Variants in HS3ST3B1 observed in about 807,000 individuals in gnomAD.
HS3ST3B1 encodes heparan sulfate-glucosamine 3-sulfotransferase 3B1, also known as heparan sulfate glucosamine 3-O-sulfotransferase 3B1.
HS3ST3B1 carries 13 observed loss-of-function variants against 21.3 expected under a neutral mutation model. That is an observed-to-expected ratio of 0.61 (90% CI 0.40 to 0.97). HS3ST3B1 has a LOEUF of 0.97. HS3ST3B1 is among the 50% of genes least tolerant of loss of function. The pLI, the probability that HS3ST3B1 is intolerant of heterozygous loss-of-function variation, is 0.00. For synonymous variants in HS3ST3B1, 234 were observed against 254.8 expected (o/e 0.92, Z 0.78); for missense variants, 459 against 554.8 (o/e 0.83, Z 1.73).
At chr17:14,321,835 A>G (rs761863581) in intron 1 of HS3ST3B1, among the ~76,000 whole-genome samples, 2 of 152,322 alleles carry the variant, frequency 1.3e-5, no homozygotes, top group African/African-American at 4.8e-5. Context: ...GACTGAGTGA[A>G]AAATGAACTC....
intron 1 of HS3ST3B1, chr17:14,328,984 A>G (rs994922735): frequency 6.6e-6 from 1 of 152,294 alleles, no homozygotes; most frequent in Admixed American, 6.5e-5. Context: ...TTATGTCTTC[A>G]GATTTTTATT....
chr17:14,335,330 A>T (rs1051762588), intron 1 of HS3ST3B1, among the ~76,000 whole-genome samples: 1 of 152,230 alleles, frequency 6.6e-6, no homozygotes, highest in Non-Finnish European at 1.5e-5. Context: ...GGACATGCCG[A>T]TTAGGAGCAG....
intron 1 of HS3ST3B1, among the ~76,000 whole-genome samples, chr17:14,306,156 C>G (rs1260803269): frequency 6.6e-6 from 1 of 152,196 alleles, no homozygotes; most frequent in African/African-American, 2.4e-5. Context: ...TTGTCATTCA[C>G]TTGAAAAGAA....
At chr17:14,315,652 G>A (rs1320894497) in intron 1 of HS3ST3B1, among the ~76,000 whole-genome samples, 10 of 151,974 alleles carry the variant, frequency 6.6e-5, no homozygotes, top group Non-Finnish European at 1.3e-4. Context: ...GTGAAACCCT[G>A]TTTCTGCTAA....
At chr17:14,337,339 T>A (rs1187645873) in intron 1 of HS3ST3B1, among the ~76,000 whole-genome samples, 2 of 151,452 alleles carry the variant, frequency 1.3e-5, no homozygotes, top group African/African-American at 2.4e-5. Context: ...TGGATTTTTT[T>A]TTTTTTGAGA....
chr17:14,327,592 A>G (rs980757264), intron 1 of HS3ST3B1: 3 of 152,204 alleles, frequency 2.0e-5, no homozygotes, highest in Admixed American at 2.0e-4. Context: ...ATCTTTGGAC[A>G]TCAGGATACT....
rs754719514 is a variant in HS3ST3B1, at chr17:14,345,424, CAAG to C, written c.953_955del (p.Lys318del). 7.5e-7 allele frequency: 1 copy of C among 1,326,864 alleles called. No homozygotes were observed. The allele number at this position is 1,326,864 out of a possible 1,614,324, so 82.2% of individuals were successfully genotyped here. Reference sequence around the variant, plus strand: ...GCCGCGTGCAAGACTTCCTGGGCCTCAAGAGGATCATCACGGACAAGCACTTCT... The same window carrying C: ...GCCGCGTGCAAGACTTCCTGGGCCTCAGGATCATCACGGACAAGCACTTCT... On this transcript the variant is annotated inframe_deletion, in exon 2 of 2. Transcript: ENST00000360954.
At chr17:14,311,619 T>A (rs958024870) in intron 1 of HS3ST3B1, among the ~76,000 whole-genome samples, 4 of 152,194 alleles carry the variant, frequency 2.6e-5, no homozygotes, top group South Asian at 4.1e-4. Context: ...AAACGGGTAA[T>A]GACCTGTATC....
chr17:14,305,806 C>T (rs958117752), intron 1 of HS3ST3B1, among the ~76,000 whole-genome samples: 1 of 152,116 alleles, frequency 6.6e-6, no homozygotes, highest in Non-Finnish European at 1.5e-5. Flanking sequence ...CGAATGTTTT[C>T]CCTATGTTCC....
At chr17:14,323,278 A>G (rs1909713858) in intron 1 of HS3ST3B1, among the ~76,000 whole-genome samples, 2 of 152,302 alleles carry the variant, frequency 1.3e-5, no homozygotes, top group South Asian at 4.1e-4. Flanking sequence ...CACAACTCAT[A>G]AAAGCTCCAG....
At chr17:14,343,498 C>A (rs186156633) in intron 1 of HS3ST3B1, among the ~76,000 whole-genome samples, 1 of 152,142 alleles carries the variant, frequency 6.6e-6, no homozygotes, top group East Asian at 1.9e-4. Context: ...TCCCTTTAAT[C>A]CCCCAACCAG....
At chr17:14,318,794 T>C (rs748865547) in intron 1 of HS3ST3B1, among the ~76,000 whole-genome samples, 7 of 152,190 alleles carry the variant, frequency 4.6e-5, no homozygotes, top group Non-Finnish European at 8.8e-5. Flanking sequence ...ATTTTTGGGA[T>C]GGTGTTTTCT....
At chr17:14,323,006 A>G (rs1909704742) in intron 1 of HS3ST3B1, among the ~76,000 whole-genome samples, 1 of 150,792 alleles carries the variant, frequency 6.6e-6, no homozygotes, top group South Asian at 2.1e-4. Flanking sequence ...CCTGGGTTCA[A>G]GCGATTCTCC....
At chr17:14,323,066 C>T (rs904828038) in intron 1 of HS3ST3B1, among the ~76,000 whole-genome samples, 7 of 151,916 alleles carry the variant, frequency 4.6e-5, no homozygotes, top group Admixed American at 6.6e-5. Context: ...CCACCATGCC[C>T]GGCTAATTTT....
intron 1 of HS3ST3B1, among the ~76,000 whole-genome samples, chr17:14,315,255 C>T (rs950861520): frequency 5.3e-5 from 8 of 152,158 alleles, no homozygotes; most frequent in Admixed American, 4.6e-4. Flanking sequence ...TGTAGGACCA[C>T]GTTTTCCCCC....
chr17:14,302,179 C>T (rs139666752), intron 1 of HS3ST3B1, 107 bp downstream of exon 1: 1 of 1,334,144 alleles, frequency 7.5e-7, no homozygotes, highest in African/African-American at 1.5e-5. Context: ...TTCGGACCAC[C>T]CGGGGTAGGG....
Position 14,319,780 on chromosome 17 carries a change from G to C in HS3ST3B1, c.554+17708G>C, listed in dbSNP as rs74351963. On this transcript the variant is annotated intron_variant, in intron 1 of 1. Coordinates refer to ENST00000360954, the MANE Select transcript of HS3ST3B1 (RefSeq NM_006041.3). ...ACACTATAGGCTGGAAGTCAGGAGG[G>C]CCTTTTTTTATTTCAATAGTTTTTG... Among the ~76,000 whole-genome samples the C allele has an allele frequency of 8.8e-3, 1,334 of 152,206 alleles. 17 individuals are homozygous for C. Among genetic ancestry groups the C allele is most frequent in the Middle Eastern group, 0.027 (8 of 294 alleles).
intron 1 of HS3ST3B1, chr17:14,304,543 C>T (rs1471777690): frequency 6.6e-6 from 1 of 152,168 alleles, no homozygotes; most frequent in South Asian, 2.1e-4. Context: ...TTTAAACAGA[C>T]CACGCCAGGA....
rs1459424240 is a variant in HS3ST3B1 at position 14,309,556 on chromosome 17, G to T, written c.554+7484G>T. Among the ~76,000 whole-genome samples, 7 of 151,888 alleles carry T rather than the reference G, an allele frequency of 4.6e-5. No individual in the cohort carries two copies. In the East Asian group the frequency reaches 9.7e-4, roughly 21 times the overall value. ...GCCCAGAGAGGCGGGCTGAGCGGGC[G>T]CGCCCCGCCCCCGCCGGTGTTGGCC... On this transcript the variant is annotated intron_variant, in intron 1 of 1. Coordinates refer to ENST00000360954, the MANE Select transcript of HS3ST3B1 (RefSeq NM_006041.3).
Sources: gnomAD v4.1 joint callset for allele counts (sites outside exome capture counted in the v4.1 genomes callset) on GRCh38, gnomAD v4.1.1 for gene constraint, MANE v1.5 for transcripts, NCBI Gene and HGNC (gene_info 2026-07-23, HGNC 2026-07-21) for gene names.